The following PRKN variants were observed in gnomAD, a reference collection of about 807,000 sequenced individuals.
The protein encoded by PRKN is E3 ubiquitin-protein ligase parkin.
In PRKN, 56 loss-of-function variants were observed where a neutral mutation model predicts 59.5. The ratio of observed to expected loss-of-function variants is 0.94; its 90% confidence interval spans 0.76 to 1.18. The LOEUF (loss-of-function observed/expected upper bound fraction) is 1.18. Ranked by LOEUF, PRKN falls within the 50% of genes most tolerant of loss-of-function variation. The pLI is 0.00. For missense variants in PRKN, 657 were observed against 596.4 expected, an observed-to-expected ratio of 1.10 and a Z score of -1.06; for synonymous variants, 250 against 222.1, an observed-to-expected ratio of 1.13 and a Z score of -1.12.
intron 7 of PRKN, among the ~76,000 whole-genome samples, chr6:161,641,579 G>A (rs567206793): frequency 5.9e-5 from 9 of 152,182 alleles, no homozygotes; most frequent in Admixed American, 2.6e-4. Flanking sequence ...TAAAACTCTG[G>A]TCTCCCGTAC....
At chr6:162,419,285 C>T (rs78162852) in intron 2 of PRKN, among the ~76,000 whole-genome samples, 4,725 of 152,072 alleles carry the variant, frequency 0.031, 269 homozygotes, top group African/African-American at 0.11. Context: ...TCTTCCTCAA[C>T]AAAAGGCTGG....
intron 6 of PRKN, among the ~76,000 whole-genome samples, chr6:161,946,406 ACACACACACT>A (rs1357781329): frequency 5.1e-5 from 5 of 98,958 alleles, no homozygotes; most frequent in African/African-American, 1.7e-4. Flanking sequence ...ACACACACAC[ACACACACACT>A]CTCTCTCTCT....
At chr6:161,425,814 C>CT (rs1788324377) in intron 9 of PRKN, among the ~76,000 whole-genome samples, 1 of 152,152 alleles carries the variant, frequency 6.6e-6, no homozygotes, top group Admixed American at 6.5e-5. Flanking sequence ...GACGAGACGC[C>CT]TTGCCACATC....
intron 1 of PRKN, among the ~76,000 whole-genome samples, chr6:162,644,807 A>G (rs571042660): frequency 5.3e-5 from 8 of 152,242 alleles, no homozygotes; most frequent in Non-Finnish European, 1.2e-4. Context: ...TATGGTTTGG[A>G]AATCCTATAG....
In PRKN at chr6:161,354,182, C is replaced by G. The variant is rs1439529361; in HGVS notation, c.1286-3971G>C. 6.6e-6 allele frequency among the ~76,000 whole-genome samples: 1 copy of G among 152,140 alleles called. No homozygotes were observed. The highest frequency in any genetic ancestry group is 1.5e-5 in the Non-Finnish European group (1 of 68,032). The stretch of plus-strand genomic sequence containing the variant: ...TCTTTTCTCCCTAGGGCTTAATATA[C>G]ACAAGGCCATAGAGCTAGACCCAGG... On this transcript the variant is annotated intron_variant, in intron 11 of 11. Transcript: ENST00000366898. The surrounding 1 kb of genome is among the most constrained non-coding windows in gnomAD (Gnocchi z 6.7).
At chr6:162,639,156 C>A (rs187316167) in intron 1 of PRKN, among the ~76,000 whole-genome samples, 3 of 152,260 alleles carry the variant, frequency 2.0e-5, no homozygotes, top group African/African-American at 7.2e-5. Flanking sequence ...CAAAGTATTT[C>A]ACTAGCTTCC....
At chr6:162,090,559 C>G (rs1015019148) in intron 4 of PRKN, among the ~76,000 whole-genome samples, 6 of 152,164 alleles carry the variant, frequency 3.9e-5, no homozygotes, top group African/African-American at 1.4e-4. Context: ...TTAATATTCT[C>G]TTATGGTCTA....
Position 161,549,136 on chromosome 6 carries a change from G to T in PRKN, c.934-133C>A. On this transcript the variant is annotated intron_variant, in intron 8 of 11. Transcript: ENST00000366898. The surrounding 1 kb of genome is among the most constrained non-coding windows in gnomAD (Gnocchi z 6.0). The stretch of plus-strand genomic sequence containing the variant: ...ATAATGCATGTGTGTGTGTGTGTGT[G>T]TGTGTAGGGGGAGGGAGAGGGCCAC... 1.2e-6 allele frequency: 1 copy of T among 806,490 alleles called. No homozygotes were observed. Among genetic ancestry groups the T allele is most frequent in the South Asian group, 1.6e-5 (1 of 62,452 alleles). 50.0% of individuals were successfully genotyped at this position (806,490 alleles called of 1,614,324 possible).
intron 6 of PRKN, among the ~76,000 whole-genome samples, chr6:161,883,474 A>C (rs562095364): frequency 6.8e-6 from 1 of 147,742 alleles, no homozygotes; most frequent in African/African-American, 2.5e-5. Context: ...GTGACAGAGC[A>C]AGACTCTGAC....
At position 161,459,649 on chromosome 6, in the gene PRKN, A is replaced by G. The variant is rs1790117488; in HGVS notation, c.1084-72772T>C. Among the ~76,000 whole-genome samples the G allele has an allele frequency of 6.6e-6, 1 of 152,074 alleles. No homozygotes were observed. Among genetic ancestry groups the G allele is most frequent in the African/African-American group, 2.4e-5 (1 of 41,414 alleles). On this transcript the variant is annotated intron_variant, in intron 9 of 11. Coordinates refer to ENST00000366898, the MANE Select transcript of PRKN (RefSeq NM_004562.3). The surrounding 1 kb of genome is among the most constrained non-coding windows in gnomAD (Gnocchi z 4.8). ...CCTAGAACTCCCTCACAAGCAAGCT[A>G]TTTTCCCGTTTTTCTCATCGCTGTT... is the stretch of plus-strand genomic sequence containing the variant.
rs1779281510 is a variant in PRKN at position 162,727,283 on chromosome 6, A to AGGGGCGGAGGTGAGGGGCGGCGGC, written c.7+378_7+379insGCCGCCGCCCCTCACCTCCGCCCC. On this transcript the variant is annotated intron_variant, in intron 1 of 11. Transcript: ENST00000366898. ...CGCACCACAACCGGCCAGTGAGGTGAGGGGCGAAGGTGAGGGGCGGCGGCG... is the reference window on the plus strand; with the variant it reads ...CGCACCACAACCGGCCAGTGAGGTGAGGGGCGGAGGTGAGGGGCGGCGGCGGGGCGAAGGTGAGGGGCGGCGGCG... 6.8e-5 allele frequency: 18 copies of AGGGGCGGAGGTGAGGGGCGGCGGC among 266,090 alleles called. No homozygotes were observed. The East Asian group carries it at 2.0e-3, about 29-fold the overall frequency. 16.5% of individuals were successfully genotyped at this position (266,090 alleles called of 1,614,324 possible).
chr6:161,434,837 T>A (rs9347512), intron 9 of PRKN, among the ~76,000 whole-genome samples: 1 of 151,924 alleles, frequency 6.6e-6, no homozygotes, highest in East Asian at 1.9e-4. Context: ...TTCTGTAATA[T>A]ATTCATCTTT....
At chr6:161,738,383 T>C (rs1788051930) in intron 7 of PRKN, among the ~76,000 whole-genome samples, 1 of 152,224 alleles carries the variant, frequency 6.6e-6, no homozygotes, top group East Asian at 1.9e-4. Flanking sequence ...CTCCATCTTC[T>C]GAATTCACAT....
At chr6:162,072,724 G>T (rs777869891) in intron 4 of PRKN, among the ~76,000 whole-genome samples, 1 of 152,124 alleles carries the variant, frequency 6.6e-6, no homozygotes, top group Non-Finnish European at 1.5e-5. Flanking sequence ...ACTGGGTTTC[G>T]AATCTAATGG....
intron 3 of PRKN, among the ~76,000 whole-genome samples, chr6:162,225,102 A>G (rs1174508154): frequency 6.6e-6 from 1 of 152,186 alleles, no homozygotes; most frequent in African/African-American, 2.4e-5. Flanking sequence ...GCTGCATCAT[A>G]ACATGGTAGA....
intron 1 of PRKN, among the ~76,000 whole-genome samples, chr6:162,511,204 T>C (rs1447321726): frequency 3.3e-5 from 5 of 152,142 alleles, no homozygotes; most frequent in African/African-American, 7.2e-5. Flanking sequence ...AATATTACTT[T>C]TTTTTTTCTT....
At chr6:162,408,679 G>A (rs1788198552) in intron 2 of PRKN, among the ~76,000 whole-genome samples, 1 of 152,120 alleles carries the variant, frequency 6.6e-6, no homozygotes, top group Non-Finnish European at 1.5e-5. Flanking sequence ...TGGCAAACAT[G>A]CTTAGGGGTG....
intron 6 of PRKN, among the ~76,000 whole-genome samples, chr6:161,810,501 C>T (rs977405158): frequency 3.4e-4 from 51 of 152,224 alleles, no homozygotes; most frequent in African/African-American, 1.1e-3. Context: ...AAGAGGAGGT[C>T]CTAGACAACG....
chr6:162,086,676 G>A (rs111513251), intron 4 of PRKN, among the ~76,000 whole-genome samples: 28 of 152,308 alleles, frequency 1.8e-4, no homozygotes, highest in African/African-American at 6.5e-4. Flanking sequence ...GGTTGAGCAG[G>A]TTGAAAAGGA....
Sources: gnomAD v4.1 joint callset for allele counts (sites outside exome capture counted in the v4.1 genomes callset) on GRCh38, gnomAD v4.1.1 for gene constraint, Gnocchi (gnomAD v3.1) non-coding constraint, MANE v1.5 for transcripts, NCBI Gene and HGNC (gene_info 2026-07-23, HGNC 2026-07-21) for gene names.